Variants in TAFA1 observed in about 807,000 individuals in gnomAD.
TAFA1 encodes the protein chemokine-like protein TAFA-1.
In TAFA1, 4 loss-of-function variants were observed where a neutral mutation model predicts 18.5. The observed-to-expected ratio is 0.22, with a 90% CI of 0.11 to 0.49. The LOEUF is 0.49. Among genes scored for constraint, TAFA1 ranks in the 20% least tolerant of loss-of-function variants. The probability of loss-of-function intolerance (pLI) is 0.98; values close to 1 mark genes in which losing one functional copy is unlikely to be tolerated. For missense variants in TAFA1, 147 were observed against 169.0 expected (o/e 0.87, Z 0.72); for synonymous variants, 56 against 55.2 (o/e 1.01, Z -0.06).
At chr3:68,126,096 T>G (rs1457185001) in intron 2 of TAFA1, among the ~76,000 whole-genome samples, 1 of 152,224 alleles carries the variant, frequency 6.6e-6, no homozygotes, top group East Asian at 1.9e-4. Flanking sequence ...GAATCACCTT[T>G]CAGGTCCTTG....
At chr3:68,457,267 G>A (rs2071683098) in intron 3 of TAFA1, among the ~76,000 whole-genome samples, 2 of 152,106 alleles carry the variant, frequency 1.3e-5, no homozygotes, top group South Asian at 4.1e-4. Flanking sequence ...TCCATGTATG[G>A]CCTGTAAGTG....
intron 2 of TAFA1, among the ~76,000 whole-genome samples, chr3:68,210,755 A>G (rs915367207): frequency 2.0e-5 from 3 of 152,040 alleles, no homozygotes; most frequent in Non-Finnish European, 4.4e-5. Context: ...ACTTGGAGGT[A>G]GTATATTGGT....
intron 2 of TAFA1, among the ~76,000 whole-genome samples, chr3:68,067,503 A>C (rs936956944): frequency 6.6e-6 from 1 of 152,156 alleles, no homozygotes; most frequent in African/African-American, 2.4e-5. Context: ...TATTTAGTAC[A>C]TGGCTTGAGA....
At chr3:68,280,533 G>T (rs567394386) in intron 2 of TAFA1, among the ~76,000 whole-genome samples, 1 of 152,174 alleles carries the variant, frequency 6.6e-6, no homozygotes, top group South Asian at 2.1e-4. Flanking sequence ...GGGAAGCATG[G>T]TATAAACCAG....
intron 2 of TAFA1, among the ~76,000 whole-genome samples, chr3:68,261,738 G>A (rs1256876843): frequency 6.6e-6 from 1 of 152,064 alleles, no homozygotes; most frequent in Admixed American, 6.5e-5. Context: ...GATACAGGAA[G>A]GGGAACATCA....
chr3:68,228,972 A>C (rs571124379), intron 2 of TAFA1, among the ~76,000 whole-genome samples: 1 of 152,192 alleles, frequency 6.6e-6, no homozygotes, highest in Non-Finnish European at 1.5e-5. Context: ...CTCTTGAAGA[A>C]TTCATTCTGC....
chr3:68,459,591 A>G (rs545171041), intron 3 of TAFA1, among the ~76,000 whole-genome samples: 1 of 152,368 alleles, frequency 6.6e-6, no homozygotes, highest in East Asian at 1.9e-4. Flanking sequence ...GTGAGGACAA[A>G]ATAAATGAAA....
intron 2 of TAFA1, among the ~76,000 whole-genome samples, chr3:68,273,300 C>T (rs2313273): frequency 0.64 from 96,734 of 152,050 alleles, 30,694 homozygotes; most frequent in East Asian, 0.68. Flanking sequence ...TAAACTTTAG[C>T]AAGTCGGGGA....
At chr3:68,279,304 A>T (rs1324169400) in intron 2 of TAFA1, among the ~76,000 whole-genome samples, 2 of 152,100 alleles carry the variant, frequency 1.3e-5, no homozygotes, top group African/African-American at 2.4e-5. Flanking sequence ...TATTCTTTAT[A>T]CAGTTCTTTT....
chr3:68,153,669 T>C (rs186141945), intron 2 of TAFA1, among the ~76,000 whole-genome samples: 2 of 152,268 alleles, frequency 1.3e-5, no homozygotes, highest in African/African-American at 4.8e-5. Flanking sequence ...AGATTCTTGT[T>C]TCTGTCTGAT....
At chr3:68,104,649 A>G (rs1049477691) in intron 2 of TAFA1, among the ~76,000 whole-genome samples, 4 of 152,122 alleles carry the variant, frequency 2.6e-5, no homozygotes, top group African/African-American at 7.2e-5. Flanking sequence ...AGAGCCTTTT[A>G]TAAAGTTTTA....
chr3:68,095,382 G>A lies in TAFA1; in HGVS notation c.118+88638G>A, dbSNP rs572262151. Among the ~76,000 whole-genome samples the A allele has an allele frequency of 1.8e-4, 28 of 152,172 alleles. 1 individual carries two copies. The South Asian group carries it at 4.6e-3, about 25-fold the overall frequency. ...TTTTGCAAAGAGATACCCTTGCTTCGTGCTATTCAAGCCTGTAGGCACTCA... is the reference window on the plus strand; with the variant it reads ...TTTTGCAAAGAGATACCCTTGCTTCATGCTATTCAAGCCTGTAGGCACTCA... On this transcript the variant is annotated intron_variant, in intron 2 of 4. Coordinates refer to ENST00000478136, the MANE Select transcript of TAFA1 (RefSeq NM_213609.4).
At chr3:68,431,757 G>A (rs993277419) in intron 3 of TAFA1, among the ~76,000 whole-genome samples, 8 of 151,928 alleles carry the variant, frequency 5.3e-5, no homozygotes, top group Admixed American at 2.0e-4. Flanking sequence ...AGGATGAGTC[G>A]CAGACAAAAC....
chr3:68,274,682 G>A (rs1266813000), intron 2 of TAFA1, among the ~76,000 whole-genome samples: 1 of 152,130 alleles, frequency 6.6e-6, no homozygotes, highest in African/African-American at 2.4e-5. Context: ...AAGTAGTGAG[G>A]ATTTTTGGTG....
chr3:68,113,905 T>TG lies in TAFA1; in HGVS notation c.118+107161_118+107162insG, dbSNP rs1362700441. ...GGGGTGTAGTTTTTTTTGTTTTTTT[T>TG]TTTTTTTTTTTTTTTATGAGACAGA... is the stretch of plus-strand genomic sequence containing the variant. On this transcript the variant is annotated intron_variant, in intron 2 of 4. Transcript: ENST00000478136. 8.7e-4 allele frequency among the ~76,000 whole-genome samples: 125 copies of TG among 144,066 alleles called. 1 individual carries two copies. The highest frequency in any genetic ancestry group is 3.1e-3 in the African/African-American group (121 of 39,164). 94.5% of individuals were successfully genotyped at this position (144,066 alleles called of 152,430 possible). A position where few individuals can be genotyped will look rare whatever the true frequency, so the allele number is the denominator to read the frequency against.
At chr3:68,087,089 G>A (rs2064978898) in intron 2 of TAFA1, among the ~76,000 whole-genome samples, 1 of 152,104 alleles carries the variant, frequency 6.6e-6, no homozygotes, top group Non-Finnish European at 1.5e-5. Flanking sequence ...TTTATGCATT[G>A]TTCAAATAAC....
At chr3:68,285,023 G>T (rs991526870) in intron 2 of TAFA1, among the ~76,000 whole-genome samples, 1 of 152,174 alleles carries the variant, frequency 6.6e-6, no homozygotes, top group Non-Finnish European at 1.5e-5. Context: ...AGGAGTTAGA[G>T]GCTGTAGTAA....
intron 2 of TAFA1, among the ~76,000 whole-genome samples, chr3:68,394,834 A>C (rs1356538479): frequency 6.6e-6 from 1 of 152,216 alleles, no homozygotes; most frequent in Non-Finnish European, 1.5e-5. Context: ...AAGTCCTAAA[A>C]CCATAAAAAC....
chr3:68,235,189 G>A (rs1200253391), intron 2 of TAFA1, among the ~76,000 whole-genome samples: 8 of 152,244 alleles, frequency 5.3e-5, no homozygotes, highest in South Asian at 2.1e-4. Flanking sequence ...TGAGTTCAGC[G>A]AATTAGGTAG....
Sources: allele counts gnomAD v4.1 joint callset (sites outside exome capture counted in the v4.1 genomes callset), GRCh38; gene constraint gnomAD v4.1.1; transcripts MANE v1.5; gene names NCBI Gene and HGNC (gene_info 2026-07-23, HGNC 2026-07-21).